Variants in DCDC2 observed in about 807,000 individuals in gnomAD.
DCDC2 encodes doublecortin domain containing 2.
DCDC2 carries 40 observed loss-of-function variants against 50.2 expected under a neutral mutation model. That is an observed-to-expected ratio of 0.80 (90% confidence interval 0.62 to 1.04). The LOEUF is 1.04. Ranked by LOEUF, DCDC2 falls within the 50% of genes least tolerant of loss-of-function variation. The pLI, the probability that DCDC2 is intolerant of heterozygous loss-of-function variation, is 0.00. For missense variants in DCDC2, 570 were observed against 581.9 expected (o/e 0.98, Z 0.21); for synonymous variants, 234 against 210.6 (o/e 1.11, Z -0.96).
chr6:24,295,781 T>C (rs1161779925), intron 4 of DCDC2, among the ~76,000 whole-genome samples: 3 of 152,044 alleles, frequency 2.0e-5, no homozygotes, highest in African/African-American at 7.2e-5. Context: ...AAAAGATCTC[T>C]ACAATGAGAA....
chr6:24,229,289 T>A (rs1371610355), intron 7 of DCDC2, among the ~76,000 whole-genome samples: 1 of 152,214 alleles, frequency 6.6e-6, no homozygotes, highest in East Asian at 1.9e-4. Flanking sequence ...CCTTGGCTCA[T>A]GGCCCCCATC....
chr6:24,284,610 C>CAAA (rs200440372), intron 6 of DCDC2, among the ~76,000 whole-genome samples: 1 of 99,988 alleles, frequency 1.0e-5, no homozygotes, highest in African/African-American at 3.4e-5. Flanking sequence ...GACTCTGTCT[C>CAAA]AAAAAAAAAA....
intron 6 of DCDC2, among the ~76,000 whole-genome samples, chr6:24,279,873 G>A (rs3789224): frequency 0.15 from 23,492 of 152,180 alleles, 1,979 homozygotes; most frequent in African/African-American, 0.23. Flanking sequence ...GCAATGATAA[G>A]GCTTATGGAG....
intron 2 of DCDC2, chr6:24,353,205 A>G (rs764223420): frequency 2.2e-6 from 1 of 447,160 alleles, no homozygotes; most frequent in Non-Finnish European, 4.6e-6. Flanking sequence ...ACACTGAGTT[A>G]TCAGAGGCAC....
intron 2 of DCDC2, among the ~76,000 whole-genome samples, chr6:24,331,927 AT>A (rs1217519874): frequency 1.3e-5 from 2 of 152,338 alleles, no homozygotes; most frequent in East Asian, 3.9e-4. Flanking sequence ...TTGCACAACT[AT>A]TTTTTAAGTG....
At chr6:24,334,658 C>A (rs970709865) in intron 2 of DCDC2, among the ~76,000 whole-genome samples, 1 of 152,200 alleles carries the variant, frequency 6.6e-6, no homozygotes, top group Non-Finnish European at 1.5e-5. Flanking sequence ...TGTGGAGTAG[C>A]TTTGGCATGA....
At chr6:24,195,839 A>T (rs796860570) in intron 8 of DCDC2, among the ~76,000 whole-genome samples, 2 of 152,366 alleles carry the variant, frequency 1.3e-5, no homozygotes, top group African/African-American at 4.8e-5. Flanking sequence ...GGTCCAGAAC[A>T]AAGGCCAGCA....
Position 24,174,649 on chromosome 6 carries a change from G to C in DCDC2, c.*81C>G, listed in dbSNP as rs1760860956. On this transcript the variant is annotated 3_prime_UTR_variant, in exon 10 of 10. Transcript: ENST00000378454. The stretch of plus-strand genomic sequence containing the variant: ...CGACCATAGTGTCACATTATATTCA[G>C]CAATAACTATGTGCTTATCTTTCAA... 6 of 933,994 alleles carry C rather than the reference G, an allele frequency of 6.4e-6. No individual in the cohort carries two copies. The highest frequency in any genetic ancestry group is 1.0e-5 in the Non-Finnish European group (6 of 591,400). 57.9% of individuals were successfully genotyped at this position (933,994 alleles called of 1,614,324 possible).
chr6:24,307,411 G>T (rs1043615445), intron 2 of DCDC2, among the ~76,000 whole-genome samples: 1 of 152,126 alleles, frequency 6.6e-6, no homozygotes, highest in Admixed American at 6.5e-5. Flanking sequence ...CCATGAGATA[G>T]GCATTTTTAA....
chr6:24,376,066 A>C, the DCDC2 span, among the ~76,000 whole-genome samples: 4 of 152,204 alleles, frequency 2.6e-5, no homozygotes, highest in Non-Finnish European at 5.9e-5. Context: ...CAGATCCTGA[A>C]GTAAAAGGAA....
At chr6:24,269,766 T>C (rs1173817741) in intron 7 of DCDC2, among the ~76,000 whole-genome samples, 1 of 151,232 alleles carries the variant, frequency 6.6e-6, no homozygotes, top group African/African-American at 2.4e-5. Context: ...AAACTAGAGG[T>C]CAGCCCCCAA....
chr6:24,301,651 A>C, intron 4 of DCDC2, 64 bp downstream of exon 4: 2 of 1,586,108 alleles, frequency 1.3e-6, no homozygotes. Flanking sequence ...GTGACTCCGG[A>C]GCCTCCTGAG....
At chr6:24,362,015 A>G (rs1760673333), upstream of DCDC2, among the ~76,000 whole-genome samples, 1 of 152,194 alleles carries the variant, frequency 6.6e-6, no homozygotes, top group Admixed American at 6.5e-5. Flanking sequence ...TCCAGATGCC[A>G]GTCTAACATC....
chr6:24,282,774 G>C (rs570991502), intron 6 of DCDC2, among the ~76,000 whole-genome samples: 1 of 148,492 alleles, frequency 6.7e-6, no homozygotes, highest in South Asian at 2.1e-4. Flanking sequence ...AGCTGGGGGT[G>C]GGGGGTAGGG....
At chr6:24,256,910 G>A (rs1370791889) in intron 7 of DCDC2, among the ~76,000 whole-genome samples, 1 of 152,142 alleles carries the variant, frequency 6.6e-6, no homozygotes, top group African/African-American at 2.4e-5. Context: ...GCAGCACAGT[G>A]CACCAGTTCT....
At chr6:24,212,219 A>T (rs1761888082) in intron 7 of DCDC2, among the ~76,000 whole-genome samples, 1 of 152,128 alleles carries the variant, frequency 6.6e-6, no homozygotes, top group Admixed American at 6.5e-5. Context: ...CCCTGAATAA[A>T]CTGCCTTCCA....
intron 7 of DCDC2, among the ~76,000 whole-genome samples, chr6:24,227,848 G>A (rs906746847): frequency 6.6e-6 from 1 of 152,220 alleles, no homozygotes; most frequent in African/African-American, 2.4e-5. Flanking sequence ...AAGATGTCCA[G>A]GGGCTTACCT....
intron 7 of DCDC2, among the ~76,000 whole-genome samples, chr6:24,233,366 T>G (rs534730749): frequency 1.3e-5 from 2 of 152,368 alleles, no homozygotes; most frequent in South Asian, 4.1e-4. Context: ...CACTACTGTT[T>G]CATCAAAATG....
At chr6:24,264,996 T>C (rs1335940552) in intron 7 of DCDC2, among the ~76,000 whole-genome samples, 2 of 151,906 alleles carry the variant, frequency 1.3e-5, no homozygotes, top group East Asian at 3.9e-4. Context: ...AAAATGGAAT[T>C]CAAGACAAAA....
Sources: gnomAD v4.1 joint callset for allele counts (sites outside exome capture counted in the v4.1 genomes callset) on GRCh38, gnomAD v4.1.1 for gene constraint, MANE v1.5 for transcripts, NCBI Gene and HGNC (gene_info 2026-07-23, HGNC 2026-07-21) for gene names.